SLC25A21: variants seen among roughly 807,000 people sequenced by gnomAD.
SLC25A21 encodes solute carrier family 25 member 21, also known as mitochondrial 2-oxodicarboxylate carrier.
SLC25A21 carries 47 observed loss-of-function variants against 43.8 expected under a neutral mutation model. The observed-to-expected ratio is 1.07, with a 90% confidence interval of 0.85 to 1.37. The LOEUF (loss-of-function observed/expected upper bound fraction) is 1.37, where lower values mean the gene tolerates loss of function less well. Among genes scored for constraint, SLC25A21 ranks in the 40% most tolerant of loss-of-function variants. The pLI, the probability that SLC25A21 is intolerant of heterozygous loss-of-function variation, is 0.00. For missense variants in SLC25A21, 352 were observed against 350.2 expected, an observed-to-expected ratio of 1.00 and a Z score of -0.04; for synonymous variants, 131 against 121.3, an observed-to-expected ratio of 1.08 and a Z score of -0.52.
chr14:36,784,817 T>C (rs1887190702), intron 3 of SLC25A21, among the ~76,000 whole-genome samples: 1 of 152,226 alleles, frequency 6.6e-6, no homozygotes, highest in Non-Finnish European at 1.5e-5. Flanking sequence ...ATGAGTCAGC[T>C]ACCAGGATTC....
chr14:36,686,464 TTG>T, intron 7 of SLC25A21, among the ~76,000 whole-genome samples: 1 of 152,272 alleles, frequency 6.6e-6, no homozygotes, highest in East Asian at 1.9e-4. Context: ...CCAGCTCTGG[TTG>T]TCTGACCTCT....
intron 1 of SLC25A21, among the ~76,000 whole-genome samples, chr14:37,049,147 C>A (rs1446423046): frequency 6.6e-6 from 1 of 152,138 alleles, no homozygotes; most frequent in Non-Finnish European, 1.5e-5. Flanking sequence ...CTTGAAATGT[C>A]CTTGAAATGT....
At chr14:36,744,691 G>C (rs753494787) in intron 3 of SLC25A21, among the ~76,000 whole-genome samples, 1 of 152,084 alleles carries the variant, frequency 6.6e-6, no homozygotes, top group African/African-American at 2.4e-5. Flanking sequence ...CACAGCAAAA[G>C]AAATAATCAT....
At chr14:37,108,268 T>C (rs1249794560) in intron 1 of SLC25A21, among the ~76,000 whole-genome samples, 3 of 152,212 alleles carry the variant, frequency 2.0e-5, no homozygotes, top group Admixed American at 6.6e-5. Flanking sequence ...GTACGTGCTT[T>C]ACATTTGCTA....
chr14:36,691,659 G>A (rs1419510080), intron 7 of SLC25A21, among the ~76,000 whole-genome samples: 1 of 152,096 alleles, frequency 6.6e-6, no homozygotes, highest in Non-Finnish European at 1.5e-5. Flanking sequence ...TTTGAGACCA[G>A]CCTTGGCAAT....
chr14:36,789,620 C>G (rs1226808481), intron 3 of SLC25A21, among the ~76,000 whole-genome samples: 1 of 146,562 alleles, frequency 6.8e-6, no homozygotes, highest in Admixed American at 7.1e-5. Context: ...ATATAAAAAC[C>G]TAAAACATAA....
At chr14:36,911,004 C>A (rs188665003) in intron 1 of SLC25A21, among the ~76,000 whole-genome samples, 13 of 152,220 alleles carry the variant, frequency 8.5e-5, no homozygotes, top group Non-Finnish European at 1.5e-4. Flanking sequence ...AAATTAAACC[C>A]AGCCTGTTAG....
chr14:36,784,067 C>T (rs929668313), intron 3 of SLC25A21, among the ~76,000 whole-genome samples: 1 of 152,156 alleles, frequency 6.6e-6, no homozygotes, highest in Non-Finnish European at 1.5e-5. Flanking sequence ...TCTGTACCAA[C>T]AAAATGATTA....
rs1470890897 is a variant in SLC25A21, at chr14:36,934,087, T to C, written c.71-59083A>G. ...AAAAAAATATCAAAATTTAAGTAGA[T>C]TTTTTTAAGTTCCAAAACAGCGTTT... On this transcript the variant is annotated intron_variant, in intron 1 of 9. Coordinates refer to ENST00000331299, the MANE Select transcript of SLC25A21 (RefSeq NM_030631.4). Among the ~76,000 whole-genome samples the C allele has an allele frequency of 3.3e-5, 5 of 152,222 alleles. No homozygotes were observed. The East Asian group carries it at 9.7e-4, about 29-fold the overall frequency.
intron 7 of SLC25A21, among the ~76,000 whole-genome samples, chr14:36,694,764 T>C (rs1030037794): frequency 6.6e-6 from 1 of 152,348 alleles, no homozygotes. Context: ...AGGTTGTTTT[T>C]TTCTTGTAAA....
rs1892783205 is a variant in SLC25A21, at chr14:36,950,497, C to T, written c.71-75493G>A. On this transcript the variant is annotated intron_variant, in intron 1 of 9. Transcript: ENST00000331299. ...ATCTGCAAGCCAGGAAGAAAGGTCC[C>T]ACCAGCAACCAACCTGCCGGCACCT... Among the ~76,000 whole-genome samples the T allele has an allele frequency of 2.6e-5, 4 of 152,262 alleles. No homozygotes were observed. The South Asian group carries it at 8.3e-4, about 32-fold the overall frequency.
At chr14:36,902,819 A>G (rs769375134) in intron 1 of SLC25A21, among the ~76,000 whole-genome samples, 1 of 152,060 alleles carries the variant, frequency 6.6e-6, no homozygotes, top group Non-Finnish European at 1.5e-5. Context: ...CATCTCTACA[A>G]AAAATAAGAA....
At chr14:36,920,368 G>A (rs1358523020) in intron 1 of SLC25A21, among the ~76,000 whole-genome samples, 2 of 152,148 alleles carry the variant, frequency 1.3e-5, no homozygotes, top group East Asian at 3.9e-4. Flanking sequence ...ATTCAAGTTG[G>A]TTTAACTATG....
chr14:36,928,840 TAA>T (rs1324886754), intron 1 of SLC25A21, among the ~76,000 whole-genome samples: 6 of 152,162 alleles, frequency 3.9e-5, no homozygotes. Flanking sequence ...CCTACTTGTT[TAA>T]AGAGTTTATT....
At position 36,678,533 on chromosome 14, in the gene SLC25A21, A is replaced by G. The variant is rs1463241643; in HGVS notation, c.*2125T>C. 8 of 1,536,712 alleles carry G rather than the reference A, an allele frequency of 5.2e-6. No individual in the cohort carries two copies. Among genetic ancestry groups the G allele is most frequent in the East Asian group, 2.4e-5 (1 of 40,898 alleles). ...CTGAATGGAACAAAGATCCAATCCA[A>G]TATTTTGGTGGAGACTTCTTTAAAA... On this transcript the variant is annotated 3_prime_UTR_variant, in exon 10 of 10. Transcript: ENST00000331299.
At chr14:36,755,593 T>G (rs1289455114) in intron 3 of SLC25A21, among the ~76,000 whole-genome samples, 8 of 152,202 alleles carry the variant, frequency 5.3e-5, no homozygotes, top group Non-Finnish European at 1.0e-4. Context: ...TTAACATTTC[T>G]AAACACTCTC....
chr14:36,716,472 T>G (rs565986925), intron 6 of SLC25A21, among the ~76,000 whole-genome samples: 2 of 152,334 alleles, frequency 1.3e-5, no homozygotes, highest in East Asian at 1.9e-4. Flanking sequence ...TGCTTTTCTA[T>G]AGTAACCATT....
chr14:36,702,571 A>T (rs1330857114), intron 7 of SLC25A21, among the ~76,000 whole-genome samples: 1 of 151,938 alleles, frequency 6.6e-6, no homozygotes, highest in East Asian at 1.9e-4. Flanking sequence ...GGTCTAGATT[A>T]GAATACTTGT....
At chr14:36,779,642 A>G (rs1265656005) in intron 3 of SLC25A21, among the ~76,000 whole-genome samples, 1 of 134,388 alleles carries the variant, frequency 7.4e-6, no homozygotes, top group Non-Finnish European at 1.6e-5. Flanking sequence ...ATATATATAT[A>G]TGTATACATA....
Sources: gnomAD v4.1 joint callset for allele counts (sites outside exome capture counted in the v4.1 genomes callset) on GRCh38, gnomAD v4.1.1 for gene constraint, MANE v1.5 for transcripts, NCBI Gene and HGNC (gene_info 2026-07-23, HGNC 2026-07-21) for gene names.